ARSH: variants seen among roughly 807,000 people sequenced by gnomAD.
The protein encoded by ARSH is arylsulfatase family member H.
In ARSH, 32 loss-of-function variants were observed where a neutral mutation model predicts 28.7. The observed-to-expected ratio is 1.11, with a 90% CI of 0.84 to 1.50. ARSH has a LOEUF of 1.50. ARSH is among the 40% of genes most tolerant of loss of function. The pLI is 0.00. For missense variants in ARSH, 440 were observed against 452.4 expected, an observed-to-expected ratio of 0.97 and a Z score of 0.25; for synonymous variants, 176 against 177.3, an observed-to-expected ratio of 0.99 and a Z score of 0.06.
intron 1 of ARSH, among the ~76,000 whole-genome samples, chrX:3,008,160 G>A (rs1317419828): frequency 8.9e-6 from 1 of 112,026 alleles, no homozygotes; most frequent in African/African-American, 3.2e-5. Flanking sequence ...GCATGCGTCA[G>A]CACTTCATTC....
Position 3,033,224 on chromosome X carries a change from A to G in ARSH, c.1528A>G (p.Met510Val), listed in dbSNP as rs1271091827. 2 of 1,209,811 alleles carry G rather than the reference A, an allele frequency of 1.7e-6. No individual in the cohort carries two copies. Among genetic ancestry groups the G allele is most frequent in the African/African-American group, 3.5e-5 (2 of 57,183 alleles). ...EPLFDSVIKK[M>V]EAAIREHRRT... ...ATTATTTGACTCCGTGATCAAAAAG[A>G]TGGAGGCAGCCATAAGAGAGCATCG... The change falls in exon 9 of 9, where the codon ATG (methionine) becomes GTG (valine). Residue 510 changes from methionine (M) to valine (V), a missense_variant. Coordinates refer to ENST00000381130, the MANE Select transcript of ARSH (RefSeq NM_001011719.2).
At position 3,006,716 on chromosome X, in the gene ARSH, C is replaced by G. The variant is rs773241258; in HGVS notation, c.92+12C>G. ...AATAACTCAGTGAGGTAAAGATGGA[C>G]TCTGACCCCCTCCCTGTATGTGGGA... On this transcript the variant is annotated intron_variant, in intron 1 of 8. Transcript: ENST00000381130. The G allele has an allele frequency of 3.4e-6, 4 of 1,166,360 alleles. No individual in the cohort carries two copies. The African/African-American group carries it at 5.4e-5, about 16-fold the overall frequency.
chrX:3,019,288 T>A lies in ARSH; in HGVS notation c.901+618T>A, dbSNP rs1004596652. Among the ~76,000 whole-genome samples, 202 of 105,385 alleles carry A rather than the reference T, an allele frequency of 1.9e-3. 1 individual carries two copies. Among genetic ancestry groups the A allele is most frequent in the African/African-American group, 6.5e-3 (187 of 28,880 alleles). The allele number at this position is 105,385 out of a possible 115,157, so 91.5% of individuals were successfully genotyped here. A position where few individuals can be genotyped will look rare whatever the true frequency, so the allele number is the denominator to read the frequency against. On this transcript the variant is annotated intron_variant, in intron 5 of 8. Transcript: ENST00000381130. ...TCAAAAAAAAAAAAAAAAAAAAGAATATTGTAATTTCAATTCCCAATTATT... is the reference window on the plus strand; with the variant it reads ...TCAAAAAAAAAAAAAAAAAAAAGAAAATTGTAATTTCAATTCCCAATTATT...
intron 4 of ARSH, among the ~76,000 whole-genome samples, chrX:3,017,459 T>C (rs2089869151): frequency 9.0e-6 from 1 of 111,102 alleles, no homozygotes; most frequent in South Asian, 3.8e-4. Flanking sequence ...CTCAGCTCCT[T>C]GGAAGGATAA....
intron 1 of ARSH, among the ~76,000 whole-genome samples, chrX:3,007,633 C>T (rs73635389): frequency 0.077 from 8,452 of 109,402 alleles, 353 homozygotes; most frequent in African/African-American, 0.17. Flanking sequence ...CCTGTGTCTT[C>T]ACAGGGTCGT....
chrX:3,030,632 A>G (rs1274556434), intron 8 of ARSH, among the ~76,000 whole-genome samples: 1 of 111,659 alleles, frequency 9.0e-6, no homozygotes, highest in Non-Finnish European at 1.9e-5. Flanking sequence ...TGCCTTATAA[A>G]ACCATCAGAT....
chrX:3,031,432 A>T (rs2089913545), intron 8 of ARSH, among the ~76,000 whole-genome samples: 1 of 111,946 alleles, frequency 8.9e-6, no homozygotes, highest in Non-Finnish European at 1.9e-5. Context: ...GCAAACAAAT[A>T]TAAATTAACA....
At position 3,018,672 on chromosome X, in the gene ARSH, T is replaced by C; in HGVS notation, c.901+2T>C. The stretch of plus-strand genomic sequence containing the variant: ...TAGAAGAAATGGATTGGATGGTGGG[T>C]AAGTATTCAGTAACAGAACTGTAAA... On this transcript the variant is annotated splice_donor_variant, in intron 5 of 8. Coordinates refer to ENST00000381130, the MANE Select transcript of ARSH (RefSeq NM_001011719.2). LOFTEE classifies it high-confidence loss of function. 1 of 1,209,033 alleles carries C rather than the reference T, an allele frequency of 8.3e-7. No homozygotes were observed. The highest frequency in any genetic ancestry group is 1.7e-5 in the African/African-American group (1 of 57,598).
rs1371191976 is a variant in ARSH, at chrX:3,033,121, C to T, written c.1425C>T (p.Thr475=). Residue 475 remains threonine (T), a synonymous_variant, in exon 9 of 9, where the codon ACC becomes ACT. Coordinates refer to ENST00000381130, the MANE Select transcript of ARSH (RefSeq NM_001011719.2). ...SGICSCSGDV[T]YHDPPLLFDI... ...TATGTTCATGTTCGGGGGATGTAAC[C>T]TACCACGACCCACCACTCCTCTTTG... 6 of 1,211,199 alleles carry T rather than the reference C, an allele frequency of 5.0e-6. No homozygotes were observed. The South Asian group carries it at 7.0e-5, about 14-fold the overall frequency.
At chrX:3,010,579 T>C (rs983122759) in intron 2 of ARSH, among the ~76,000 whole-genome samples, 6 of 111,822 alleles carry the variant, frequency 5.4e-5, no homozygotes, top group Admixed American at 1.9e-4. Flanking sequence ...AAAAAGGAAA[T>C]GAAACTTTTA....
intron 1 of ARSH, among the ~76,000 whole-genome samples, chrX:3,007,567 G>C (rs1170598159): frequency 9.1e-6 from 1 of 109,567 alleles, no homozygotes; most frequent in Non-Finnish European, 1.9e-5. Flanking sequence ...TCAAAGTGTG[G>C]GCAGGGCTGG....
rs2089827706 is a variant in ARSH at position 3,006,587 on chromosome X, T to C, written c.-26T>C. Reference sequence around the variant, plus strand: ...TGGCTGTCAGTGTCCCTGTGCTGTTTGTTTTGCGGTGTTGATGGCACATTT... The same window carrying C: ...TGGCTGTCAGTGTCCCTGTGCTGTTCGTTTTGCGGTGTTGATGGCACATTT... On this transcript the variant is annotated 5_prime_UTR_variant, in exon 1 of 9. Transcript: ENST00000381130. The C allele has an allele frequency of 1.7e-6, 2 of 1,176,520 alleles. No homozygotes were observed. The highest frequency in any genetic ancestry group is 2.3e-6 in the Non-Finnish European group (2 of 864,575).
intron 1 of ARSH, among the ~76,000 whole-genome samples, chrX:3,008,506 T>TTTCTTTC (rs2089837161): frequency 1.1e-5 from 1 of 94,489 alleles, no homozygotes; most frequent in Non-Finnish European, 2.1e-5. Context: ...TCTTTCTTTC[T>TTTCTTTC]TTCTTTCTTC....
chrX:3,032,725 T>G (rs1403293474), intron 8 of ARSH, among the ~76,000 whole-genome samples: 1 of 112,207 alleles, frequency 8.9e-6, no homozygotes, highest in Non-Finnish European at 1.9e-5. Context: ...TTGTACCTAA[T>G]CAGATTGAGG....
intron 5 of ARSH, among the ~76,000 whole-genome samples, chrX:3,021,707 CT>C (rs3032483): frequency 8.0e-4 from 72 of 90,165 alleles, no homozygotes; most frequent in Admixed American, 1.4e-3. Flanking sequence ...ACTTTTAGTC[CT>C]TTTTTTTTTT....
chrX:3,018,199 A>G (rs1214077767), intron 4 of ARSH, among the ~76,000 whole-genome samples: 1 of 111,455 alleles, frequency 9.0e-6, no homozygotes, highest in Non-Finnish European at 1.9e-5. Context: ...AGGTCTTGCC[A>G]TGTTGCCTGG....
chrX:3,015,427 G>A (rs2089863572), intron 4 of ARSH, 34 bp downstream of exon 4: 1 of 1,170,468 alleles, frequency 8.5e-7, no homozygotes, highest in African/African-American at 1.8e-5. Context: ...TTTCCTGCAT[G>A]GAAATTTTAT....
At position 3,024,075 on chromosome X, in the gene ARSH, A is replaced by T; in HGVS notation, c.956A>T (p.Tyr319Phe). ...QERLANHTLV[Y>F]FTSDNGGHLE... ...CGCCTGGCCAACCACACCTTGGTGT[A>T]CTTCACCTCTGACAACGGGGGCCAC... Residue 319 changes from tyrosine to phenylalanine, a missense_variant, in exon 6 of 9, where the codon TAC becomes TTC. Coordinates refer to ENST00000381130, the MANE Select transcript of ARSH (RefSeq NM_001011719.2). The T allele has an allele frequency of 8.3e-7, 1 of 1,208,813 alleles. No homozygotes were observed. The highest frequency in any genetic ancestry group is 1.1e-6 in the Non-Finnish European group (1 of 894,244).
chrX:3,009,932 T>C (rs2075465997), intron 1 of ARSH, 98 bp from the exon 2 acceptor site: 3 of 1,007,399 alleles, frequency 3.0e-6, no homozygotes, highest in Non-Finnish European at 4.1e-6. Context: ...TTACCAGAAA[T>C]AGAGTCAACT....
Sources: gnomAD v4.1 joint callset for allele counts (sites outside exome capture counted in the v4.1 genomes callset) on GRCh38, gnomAD v4.1.1 for gene constraint, MANE v1.5 for transcripts, NCBI Gene and HGNC (gene_info 2026-07-23, HGNC 2026-07-21) for gene names.